The following ERC2 variants were observed in gnomAD, a reference collection of about 807,000 sequenced individuals.
The protein encoded by ERC2 is ELKS/RAB6-interacting/CAST family member 2, also known as ERC protein 2.
ERC2 carries 42 observed loss-of-function variants against 114.8 expected under a neutral mutation model. The ratio of observed to expected loss-of-function variants is 0.37; its 90% CI spans 0.29 to 0.47. The LOEUF (loss-of-function observed/expected upper bound fraction) is 0.47, where lower values mean the gene tolerates loss of function less well. ERC2 is among the 20% of genes least tolerant of loss of function. The pLI is 0.99. For missense variants in ERC2, 939 were observed against 1,150.7 expected, an observed-to-expected ratio of 0.82 and a Z score of 2.66; for synonymous variants, 454 against 425.5, an observed-to-expected ratio of 1.07 and a Z score of -0.82.
At chr3:55,860,949 T>A (rs2062001220) in intron 14 of ERC2, among the ~76,000 whole-genome samples, 1 of 152,196 alleles carries the variant, frequency 6.6e-6, no homozygotes, top group Non-Finnish European at 1.5e-5. Context: ...ACACGGGTTA[T>A]TTCAGTCTGC....
chr3:56,096,912 T>C (rs1434412458), intron 6 of ERC2, among the ~76,000 whole-genome samples: 2 of 152,208 alleles, frequency 1.3e-5, no homozygotes, highest in Non-Finnish European at 2.9e-5. Context: ...AATGAAAACA[T>C]GTATCCTATC....
chr3:56,186,493 A>G (rs2083625942), intron 3 of ERC2, among the ~76,000 whole-genome samples: 2 of 152,000 alleles, frequency 1.3e-5, no homozygotes, highest in Admixed American at 1.3e-4. Context: ...CTTTCTTACT[A>G]CAGGGTCCTT....
intron 1 of ERC2, among the ~76,000 whole-genome samples, chr3:56,461,944 C>T (rs2063336132): frequency 6.6e-6 from 1 of 152,174 alleles, no homozygotes; most frequent in Non-Finnish European, 1.5e-5. Context: ...GAGACACAGA[C>T]AGTTAAAGTA....
intron 15 of ERC2, among the ~76,000 whole-genome samples, chr3:55,709,513 G>A: frequency 6.6e-6 from 1 of 152,140 alleles, no homozygotes; most frequent in Middle Eastern, 3.2e-3. Context: ...AGAACGGACT[G>A]GGCAAGCAGA....
intron 6 of ERC2, among the ~76,000 whole-genome samples, chr3:56,116,672 C>T (rs1560200043): frequency 6.6e-6 from 1 of 152,158 alleles, no homozygotes; most frequent in East Asian, 1.9e-4. Context: ...ATGCTGTGCC[C>T]TCAACCTGGA....
chr3:55,845,735 C>T (rs994065622), intron 14 of ERC2, among the ~76,000 whole-genome samples: 5 of 152,208 alleles, frequency 3.3e-5, no homozygotes, highest in Non-Finnish European at 5.9e-5. Flanking sequence ...TAATGAATGC[C>T]TGGAACACCA....
chr3:56,366,591 G>A (rs373290530), intron 2 of ERC2, among the ~76,000 whole-genome samples: 7 of 152,074 alleles, frequency 4.6e-5, no homozygotes, highest in Admixed American at 3.3e-4. Context: ...TTTTCCTCTT[G>A]GTAATACCAG....
intron 1 of ERC2, among the ~76,000 whole-genome samples, chr3:56,442,330 C>T (rs1220797685): frequency 6.6e-6 from 1 of 152,262 alleles, no homozygotes; most frequent in South Asian, 2.1e-4. Flanking sequence ...AAGTGATTCT[C>T]GTGCCTCAGC....
At position 55,840,564 on chromosome 3, in the gene ERC2, C is replaced by T. The variant is rs117131586; in HGVS notation, c.2564+47825G>A. Among the ~76,000 whole-genome samples the T allele has an allele frequency of 1.0e-3, 157 of 152,038 alleles. No homozygotes were observed. In the East Asian group the frequency reaches 0.029, roughly 28 times the overall value. On this transcript the variant is annotated intron_variant, in intron 14 of 17. Coordinates refer to ENST00000288221, the MANE Select transcript of ERC2 (RefSeq NM_015576.3). ...AAAATGGTACAACTACTTTGGAAAA[C>T]AGTCAACGATTTCTTGAAAAGTCCA...
At chr3:55,913,375 C>A (rs572437244) in intron 13 of ERC2, among the ~76,000 whole-genome samples, 16 of 152,038 alleles carry the variant, frequency 1.1e-4, no homozygotes, top group African/African-American at 3.9e-4. Flanking sequence ...TAAATATTTT[C>A]TTTGCCAACA....
rs538513957 is a variant in ERC2 at position 56,253,564 on chromosome 3, C to A, written c.1074+42455G>T. Among the ~76,000 whole-genome samples the A allele has an allele frequency of 8.5e-5, 13 of 152,228 alleles. No individual in the cohort carries two copies. In the East Asian group the frequency reaches 2.5e-3, roughly 29 times the overall value. On this transcript the variant is annotated intron_variant, in intron 3 of 17. Transcript: ENST00000288221. ...CCAAAATAGTTGTCCCAGTTTACAC[C>A]AAATTTGGAACATTTTAGCCTCAGT...
chr3:55,710,010 A>T (rs975551792), intron 15 of ERC2, among the ~76,000 whole-genome samples: 9 of 152,210 alleles, frequency 5.9e-5, no homozygotes, highest in African/African-American at 2.2e-4. Context: ...TGGGAAGAGA[A>T]AAATGGCAGG....
At chr3:56,016,427 C>T (rs114956899) in intron 8 of ERC2, among the ~76,000 whole-genome samples, 10 of 141,244 alleles carry the variant, frequency 7.1e-5, no homozygotes, top group East Asian at 4.1e-4. Flanking sequence ...CTTTTTTTTT[C>T]TTTTTTTTTT....
intron 6 of ERC2, 137 bp from the exon 7 acceptor site, chr3:56,081,121 C>T: frequency 2.5e-6 from 2 of 816,090 alleles, no homozygotes; most frequent in South Asian, 3.9e-5. Flanking sequence ...CATGGCACCT[C>T]ACTGCCCTGC....
At chr3:55,966,422 C>T (rs892542835) in intron 12 of ERC2, among the ~76,000 whole-genome samples, 2 of 152,184 alleles carry the variant, frequency 1.3e-5, no homozygotes, top group Non-Finnish European at 2.9e-5. Context: ...ACCCACAGAG[C>T]AGCCACTAGG....
intron 7 of ERC2, among the ~76,000 whole-genome samples, chr3:56,076,056 T>C (rs886986542): frequency 6.6e-6 from 1 of 152,154 alleles, no homozygotes; most frequent in Non-Finnish European, 1.5e-5. Context: ...AAGGTCCATA[T>C]ACACCACTCC....
intron 2 of ERC2, among the ~76,000 whole-genome samples, chr3:56,338,707 G>T (rs966823133): frequency 6.6e-6 from 1 of 152,182 alleles, no homozygotes; most frequent in Non-Finnish European, 1.5e-5. Context: ...CAAAGTGCCA[G>T]GATACAGTGA....
At chr3:55,843,061 G>C (rs1396199350) in intron 14 of ERC2, among the ~76,000 whole-genome samples, 3 of 152,168 alleles carry the variant, frequency 2.0e-5, no homozygotes, top group African/African-American at 4.8e-5. Context: ...CTGGCCTGTG[G>C]TATACAACAA....
chr3:55,612,184 G>A (rs1485605599), intron 17 of ERC2, among the ~76,000 whole-genome samples: 1 of 150,682 alleles, frequency 6.6e-6, no homozygotes, highest in Non-Finnish European at 1.5e-5. Context: ...TGCGTTTTTT[G>A]GTGGAGGTGC....
Sources: allele counts gnomAD v4.1 joint callset (sites outside exome capture counted in the v4.1 genomes callset), GRCh38; gene constraint gnomAD v4.1.1; transcripts MANE v1.5; gene names NCBI Gene and HGNC (gene_info 2026-07-23, HGNC 2026-07-21).